The following GPR176 variants were observed in gnomAD, a reference collection of about 807,000 sequenced individuals.
The protein encoded by GPR176 is G-protein coupled receptor 176.
GPR176 carries 26 observed loss-of-function variants against 35.4 expected under a neutral mutation model. The ratio of observed to expected loss-of-function variants is 0.74; its 90% confidence interval spans 0.54 to 1.02. The LOEUF (loss-of-function observed/expected upper bound fraction) is 1.02, where lower values mean the gene tolerates loss of function less well. Ranked by LOEUF, GPR176 falls within the 50% of genes least tolerant of loss-of-function variation. GPR176 has a pLI of 0.00. For missense variants in GPR176, 597 were observed against 665.3 expected (o/e 0.90, Z 1.13); for synonymous variants, 278 against 271.3 (o/e 1.02, Z -0.24).
intron 1 of GPR176, chr15:39,807,630 A>G (rs570037778): frequency 1.1e-6 from 1 of 937,786 alleles, no homozygotes; most frequent in South Asian, 1.4e-5. Context: ...CAAACTCTGC[A>G]ACAGAAATAC....
chr15:39,862,603 A>G (rs532240417), intron 1 of GPR176, among the ~76,000 whole-genome samples: 1 of 152,184 alleles, frequency 6.6e-6, no homozygotes, highest in African/African-American at 2.4e-5. Flanking sequence ...TAATAGAGCT[A>G]AAAAAATGTC....
chr15:39,894,986 C>T (rs71526440), intron 1 of GPR176, among the ~76,000 whole-genome samples: 1,762 of 152,282 alleles, frequency 0.012, 24 homozygotes, highest in African/African-American at 0.031. Context: ...CCCCGCACCT[C>T]GGGAGGCCGA....
chr15:39,904,840 G>C (rs1235367632), intron 1 of GPR176, among the ~76,000 whole-genome samples: 1 of 152,172 alleles, frequency 6.6e-6, no homozygotes, highest in Non-Finnish European at 1.5e-5. Context: ...CACCTGCACA[G>C]GTAAACAGGC....
At position 39,914,458 on chromosome 15, in the gene GPR176, C is replaced by T. The variant is rs551169384; in HGVS notation, c.172+5397G>A. On this transcript the variant is annotated intron_variant, in intron 1 of 2. Coordinates refer to ENST00000561100, the MANE Select transcript of GPR176 (RefSeq NM_007223.3). ...CCTCCTGAATAGCTGAGATTATAGGCGCCTACCACCATGCCCGGCTAATTT... is the reference window on the plus strand; with the variant it reads ...CCTCCTGAATAGCTGAGATTATAGGTGCCTACCACCATGCCCGGCTAATTT... Among the ~76,000 whole-genome samples, 18 of 151,962 alleles carry T rather than the reference C, an allele frequency of 1.2e-4. No individual in the cohort carries two copies. The East Asian group carries it at 2.7e-3, about 23-fold the overall frequency.
intron 1 of GPR176, among the ~76,000 whole-genome samples, chr15:39,825,539 G>A (rs1030493712): frequency 3.3e-5 from 5 of 151,716 alleles, no homozygotes; most frequent in Admixed American, 2.0e-4. Context: ...TACATAATGG[G>A]AAAAATCTCC....
intron 1 of GPR176, among the ~76,000 whole-genome samples, chr15:39,868,536 A>G (rs2031917856): frequency 6.6e-6 from 1 of 152,232 alleles, no homozygotes; most frequent in South Asian, 2.1e-4. Flanking sequence ...TAATCATGGT[A>G]TCTAGGTCAG....
chr15:39,803,887 T>C (rs1401475259), intron 2 of GPR176, among the ~76,000 whole-genome samples: 2 of 152,106 alleles, frequency 1.3e-5, no homozygotes, highest in African/African-American at 4.8e-5. Flanking sequence ...ATAGCGACCA[T>C]GGACAATCAG....
intron 1 of GPR176, among the ~76,000 whole-genome samples, chr15:39,825,331 C>G (rs895361362): frequency 6.6e-6 from 1 of 152,128 alleles, no homozygotes; most frequent in African/African-American, 2.4e-5. Context: ...AATATATACA[C>G]TTATATACTT....
At chr15:39,833,538 A>G (rs987134199) in intron 1 of GPR176, among the ~76,000 whole-genome samples, 2 of 152,194 alleles carry the variant, frequency 1.3e-5, no homozygotes, top group Non-Finnish European at 2.9e-5. Context: ...ATGAGAAGAC[A>G]GTATCTTTCT....
intron 1 of GPR176, among the ~76,000 whole-genome samples, chr15:39,915,742 G>A (rs1177404168): frequency 2.6e-5 from 4 of 152,106 alleles, no homozygotes; most frequent in African/African-American, 9.7e-5. Flanking sequence ...AGCTGGGCGT[G>A]GTGGCAGGCA....
chr15:39,803,080 C>A (rs979506474), intron 2 of GPR176, among the ~76,000 whole-genome samples: 1 of 152,206 alleles, frequency 6.6e-6, no homozygotes, highest in East Asian at 1.9e-4. Flanking sequence ...AACTGAATAA[C>A]TCTTTGCACC....
intron 1 of GPR176, among the ~76,000 whole-genome samples, chr15:39,815,828 T>C (rs1005664771): frequency 1.3e-5 from 2 of 151,438 alleles, no homozygotes; most frequent in Admixed American, 6.6e-5. Flanking sequence ...AATCAGTATC[T>C]AAAAGAGATA....
At chr15:39,911,077 T>C (rs2033565745) in intron 1 of GPR176, among the ~76,000 whole-genome samples, 1 of 151,734 alleles carries the variant, frequency 6.6e-6, no homozygotes, top group East Asian at 1.9e-4. Flanking sequence ...TAAAATAATA[T>C]ATGAAAGAAA....
At chr15:39,882,111 C>A (rs1163521887) in intron 1 of GPR176, among the ~76,000 whole-genome samples, 1 of 152,094 alleles carries the variant, frequency 6.6e-6, no homozygotes, top group Non-Finnish European at 1.5e-5. Context: ...TCATTAAGGG[C>A]AGAAAGAGAC....
intron 1 of GPR176, among the ~76,000 whole-genome samples, chr15:39,880,606 A>C (rs1011446653): frequency 6.6e-6 from 1 of 152,052 alleles, no homozygotes; most frequent in African/African-American, 2.4e-5. Flanking sequence ...TTTGTCTCCT[A>C]TATACCTTAT....
At chr15:39,821,001 T>C (rs889908240) in intron 1 of GPR176, among the ~76,000 whole-genome samples, 1 of 152,212 alleles carries the variant, frequency 6.6e-6, no homozygotes, top group Non-Finnish European at 1.5e-5. Flanking sequence ...TTCTTTGCTT[T>C]GTAACATTTT....
At chr15:39,835,842 C>T (rs1324159353) in intron 1 of GPR176, among the ~76,000 whole-genome samples, 1 of 152,162 alleles carries the variant, frequency 6.6e-6, no homozygotes, top group Admixed American at 6.5e-5. Context: ...GCCTGTAATC[C>T]CCAGCATTCT....
chr15:39,849,371 A>G (rs2030692651), intron 1 of GPR176, among the ~76,000 whole-genome samples: 1 of 152,176 alleles, frequency 6.6e-6, no homozygotes, highest in Non-Finnish European at 1.5e-5. Flanking sequence ...TTCAAGAAGA[A>G]TTAACACCAA....
chr15:39,903,361 A>G (rs2033332703), intron 1 of GPR176, among the ~76,000 whole-genome samples: 1 of 152,226 alleles, frequency 6.6e-6, no homozygotes, highest in Admixed American at 6.5e-5. Context: ...CATCTGATGC[A>G]GTACGTTTTA....
Sources: allele counts gnomAD v4.1 joint callset (sites outside exome capture counted in the v4.1 genomes callset), GRCh38; gene constraint gnomAD v4.1.1; transcripts MANE v1.5; gene names NCBI Gene and HGNC (gene_info 2026-07-23, HGNC 2026-07-21).